SIM2: variants seen among roughly 807,000 people sequenced by gnomAD.
The protein encoded by SIM2 is SIM bHLH transcription factor 2, also known as single-minded homolog 2.
Under a neutral mutation model 64.8 loss-of-function variants are expected in SIM2, and 28 were observed. That is an observed-to-expected ratio of 0.43 (90% CI 0.32 to 0.59). SIM2 has a LOEUF of 0.59. Ranked by LOEUF, SIM2 falls within the 20% of genes least tolerant of loss-of-function variation. SIM2 has a pLI of 0.07. For synonymous variants in SIM2, 408 were observed against 391.1 expected, an observed-to-expected ratio of 1.04 and a Z score of -0.51; for missense variants, 847 against 871.4, an observed-to-expected ratio of 0.97 and a Z score of 0.35.
chr21:36,737,856 G>GGATTAC (rs2089087014), intron 7 of SIM2, among the ~76,000 whole-genome samples: 1 of 149,860 alleles, frequency 6.7e-6, no homozygotes, highest in East Asian at 2.0e-4. Flanking sequence ...AGCTATTCAG[G>GGATTAC]AGTCTGAGGC....
intron 7 of SIM2, among the ~76,000 whole-genome samples, chr21:36,738,074 C>A (rs1027665266): frequency 2.6e-5 from 4 of 151,868 alleles, no homozygotes; most frequent in African/African-American, 9.7e-5. Flanking sequence ...AGCACTAGTC[C>A]TCTTGAAATC....
At chr21:36,701,188 C>T (rs776075642) in intron 1 of SIM2, 1 of 152,714 alleles carries the variant, frequency 6.5e-6, no homozygotes, top group Non-Finnish European at 1.5e-5. Context: ...CCCCGGGAGC[C>T]AGTGCCGAGG....
Position 36,741,722 on chromosome 21 carries a change from G to C in SIM2, c.856G>C (p.Val286Leu), listed in dbSNP as rs1447452029. ...HLRYAHHLLL[V>L]KGQVTTKYYR... ...CTGTCACCTTGTGCTTGCAGTGTTG[G>C]TGAAGGGCCAGGTCACCACCAAGTA... The change falls in exon 8 of 11, where the codon GTG (valine) becomes CTG (leucine). Residue 286 changes from valine (V) to leucine (L), a missense_variant. This residue lies in a region of SIM2 where 397 missense variants were observed against 439.2 expected (regional missense o/e 0.90). Transcript: ENST00000290399. The C allele has an allele frequency of 1.2e-6, 2 of 1,612,920 alleles. No individual in the cohort carries two copies. Among genetic ancestry groups the C allele is most frequent in the African/African-American group, 1.3e-5 (1 of 75,042 alleles).
At chr21:36,702,323 GC>G (rs1259712382) in intron 1 of SIM2, among the ~76,000 whole-genome samples, 3 of 152,358 alleles carry the variant, frequency 2.0e-5, no homozygotes, top group South Asian at 4.1e-4. Flanking sequence ...GAGCTGTTTG[GC>G]CCTAGAGTTT....
chr21:36,704,838 C>A (rs1289693639), intron 1 of SIM2, among the ~76,000 whole-genome samples: 1 of 152,234 alleles, frequency 6.6e-6, no homozygotes, highest in African/African-American at 2.4e-5. Flanking sequence ...GGCGTCCCCA[C>A]GACCACCCCC....
chr21:36,715,333 G>T (rs1295087603), intron 3 of SIM2, among the ~76,000 whole-genome samples: 1 of 152,216 alleles, frequency 6.6e-6, no homozygotes, highest in Non-Finnish European at 1.5e-5. Flanking sequence ...TATTGAATAG[G>T]ATGTCAAATA....
intron 7 of SIM2, among the ~76,000 whole-genome samples, chr21:36,736,846 TTTTCTTTCTTTCTTTTTC>T (rs1191198602): frequency 2.3e-3 from 59 of 25,510 alleles, no homozygotes; most frequent in East Asian, 0.013. Context: ...TTTCTCTTTC[TTTTCTTTCTTTCTTTTTC>T]TTTCTTTCTT....
In SIM2 at chr21:36,722,850, A is replaced by G. The variant is rs545715656; in HGVS notation, c.458-195A>G. ...CTTCCTTTAGAGCCAAGGAAGCCAC[A>G]CCAGGACTGGGCTGGTGTCTCCACT... On this transcript the variant is annotated intron_variant, in intron 4 of 10. Transcript: ENST00000290399. Among the ~76,000 whole-genome samples the G allele has an allele frequency of 5.3e-4, 80 of 152,262 alleles. 2 individuals carry two copies. In the South Asian group the frequency reaches 0.017, roughly 32 times the overall value.
At chr21:36,712,803 C>T (rs538987664) in intron 3 of SIM2, among the ~76,000 whole-genome samples, 181 bp downstream of exon 3, 48 of 152,290 alleles carry the variant, frequency 3.2e-4, no homozygotes, top group African/African-American at 9.9e-4. Context: ...CTCCATATTA[C>T]GTTTTACTTT....
chr21:36,699,376 A>C lies in SIM2; in HGVS notation c.-371A>C. On this transcript the variant is annotated 5_prime_UTR_variant, in exon 1 of 11. Coordinates refer to ENST00000290399, the MANE Select transcript of SIM2 (RefSeq NM_005069.6). This position sits in a 1 kb window ranked among gnomAD's most constrained non-coding sequence, Gnocchi z 5.6. ...CGCAGCCGGTTCGAGCACTCGACGAAGGAGTAAGCAGCGCCTCCGCCTCCG... is the reference window on the plus strand; with the variant it reads ...CGCAGCCGGTTCGAGCACTCGACGACGGAGTAAGCAGCGCCTCCGCCTCCG... 1.3e-5 allele frequency: 2 copies of C among 155,926 alleles called. No homozygotes were observed. The highest frequency in any genetic ancestry group is 1.4e-5 in the Non-Finnish European group (1 of 71,740). The allele number at this position is 155,926 out of a possible 1,614,324, so 9.7% of individuals were successfully genotyped here.
chr21:36,740,009 G>GGAA (rs1445563317), intron 7 of SIM2, among the ~76,000 whole-genome samples: 7 of 131,234 alleles, frequency 5.3e-5, no homozygotes, highest in African/African-American at 1.8e-4. Context: ...GAAAGAAAGA[G>GGAA]AGAAAGAAAG....
At chr21:36,704,857 C>T (rs981321322) in intron 1 of SIM2, among the ~76,000 whole-genome samples, 5 of 152,226 alleles carry the variant, frequency 3.3e-5, no homozygotes, top group Non-Finnish European at 5.9e-5. Flanking sequence ...CCTTCTCACC[C>T]GGTCCCCAGT....
intron 4 of SIM2, among the ~76,000 whole-genome samples, chr21:36,722,268 G>T (rs1447437995): frequency 1.3e-5 from 2 of 152,188 alleles, no homozygotes; most frequent in Non-Finnish European, 2.9e-5. Context: ...AAATATGGCA[G>T]CCTCTCCAAC....
chr21:36,701,460 G>C (rs991382145), intron 1 of SIM2: 4 of 152,338 alleles, frequency 2.6e-5, no homozygotes, highest in African/African-American at 9.6e-5. Context: ...GCGGCTCCCC[G>C]GCCCAGGAGC....
chr21:36,702,679 G>T (rs2088518862), intron 1 of SIM2, among the ~76,000 whole-genome samples: 3 of 152,158 alleles, frequency 2.0e-5, no homozygotes, highest in African/African-American at 7.2e-5. Flanking sequence ...TCTTCTCAGG[G>T]GACCTGGGTC....
Position 36,699,718 on chromosome 21 carries a change from G to A in SIM2, c.-29G>A, listed in dbSNP as rs771191955. On this transcript the variant is annotated 5_prime_UTR_variant, in exon 1 of 11. Coordinates refer to ENST00000290399, the MANE Select transcript of SIM2 (RefSeq NM_005069.6). This position sits in a 1 kb window ranked among gnomAD's most constrained non-coding sequence, Gnocchi z 5.6. ...GGCTCCGCGGGCCTGGAGCACGGCC[G>A]GGTCTAATATGCCCGGAGCCGAGGC... 6.2e-7 allele frequency: 1 copy of A among 1,604,272 alleles called. No individual in the cohort carries two copies. Among genetic ancestry groups the A allele is most frequent in the East Asian group, 2.3e-5 (1 of 43,944 alleles).
In SIM2 at chr21:36,748,518, G is replaced by A. The variant is rs1214471903; in HGVS notation, c.*426G>A. 1 of 152,394 alleles carries A rather than the reference G, an allele frequency of 6.6e-6. No individual in the cohort carries two copies. Among genetic ancestry groups the A allele is most frequent in the African/African-American group, 2.4e-5 (1 of 41,492 alleles). The allele number at this position is 152,394 out of a possible 1,614,324, so 9.4% of individuals were successfully genotyped here. A position where few individuals can be genotyped will look rare whatever the true frequency, so the allele number is the denominator to read the frequency against. ...TTCCAAGTGGACGGCAGACCTGGGA[G>A]GGGACGCCTGTGTCACGAGCCCTTT... On this transcript the variant is annotated 3_prime_UTR_variant, in exon 11 of 11. Coordinates refer to ENST00000290399, the MANE Select transcript of SIM2 (RefSeq NM_005069.6).
At chr21:36,720,039 G>A (rs2088803915) in intron 4 of SIM2, 110 bp downstream of exon 4, 1 of 755,428 alleles carries the variant, frequency 1.3e-6, no homozygotes, top group South Asian at 1.5e-5. Context: ...GCATGACTAG[G>A]ACTGCCCAGC....
chr21:36,713,840 G>A (rs1355544820), intron 3 of SIM2, among the ~76,000 whole-genome samples: 1 of 152,104 alleles, frequency 6.6e-6, no homozygotes, highest in Non-Finnish European at 1.5e-5. Context: ...GTGTTTCTCA[G>A]GCAAAACCCT....
Sources: gnomAD v4.1 joint callset for allele counts (sites outside exome capture counted in the v4.1 genomes callset) on GRCh38, gnomAD v4.1.1 for gene constraint, gnomAD v4.1.1 regional missense constraint, Gnocchi (gnomAD v3.1) non-coding constraint, MANE v1.5 for transcripts, NCBI Gene and HGNC (gene_info 2026-07-23, HGNC 2026-07-21) for gene names.